Variants in PTPRD observed in about 807,000 individuals in gnomAD.
PTPRD encodes the protein protein tyrosine phosphatase receptor type D.
Under a neutral mutation model 214.5 loss-of-function variants are expected in PTPRD, and 34 were observed. The observed-to-expected ratio is 0.16, with a 90% CI of 0.12 to 0.21. PTPRD has a LOEUF of 0.21. PTPRD is among the 10% of genes least tolerant of loss of function. PTPRD has a pLI of 1.00. For synonymous variants in PTPRD, 1,128 were observed against 845.7 expected (o/e 1.33, Z -5.79); for missense variants, 2,545 against 2,398.7 (o/e 1.06, Z -1.27).
intron 8 of PTPRD, among the ~76,000 whole-genome samples, chr9:9,422,660 T>C (rs1161190883): frequency 1.3e-5 from 2 of 152,098 alleles, no homozygotes; most frequent in African/African-American, 4.8e-5. Context: ...CAGAAGCTGG[T>C]AGAGCTTTCT....
intron 2 of PTPRD, among the ~76,000 whole-genome samples, chr9:10,516,155 A>T (rs750933814): frequency 6.6e-6 from 1 of 151,754 alleles, no homozygotes; most frequent in Admixed American, 6.6e-5. Context: ...CTTCCACAAT[A>T]TTTTCCACAG....
intron 3 of PTPRD, among the ~76,000 whole-genome samples, chr9:10,307,131 T>C (rs944960705): frequency 6.6e-6 from 1 of 152,162 alleles, no homozygotes; most frequent in Non-Finnish European, 1.5e-5. Flanking sequence ...TTGTTAACTA[T>C]AGTTACCCTA....
intron 2 of PTPRD, among the ~76,000 whole-genome samples, 172 bp downstream of exon 2, chr9:10,612,225 GA>G (rs1003488513): frequency 3.8e-5 from 4 of 105,084 alleles, no homozygotes; most frequent in African/African-American, 1.0e-4. Flanking sequence ...AAAAAAAAAA[GA>G]AAAAAATGCT....
chr9:9,345,595 G>T (rs2048483909), intron 9 of PTPRD, among the ~76,000 whole-genome samples: 3 of 152,030 alleles, frequency 2.0e-5, no homozygotes, highest in Non-Finnish European at 4.4e-5. Context: ...TTGCATTAAT[G>T]CTTATAACTC....
At chr9:10,419,416 T>C (rs528751405) in intron 2 of PTPRD, among the ~76,000 whole-genome samples, 2 of 151,630 alleles carry the variant, frequency 1.3e-5, no homozygotes, top group Non-Finnish European at 2.9e-5. Context: ...TACCTAAAAC[T>C]CTATTTTATA....
chr9:9,738,279 C>A (rs991031930), intron 6 of PTPRD, among the ~76,000 whole-genome samples: 5 of 151,638 alleles, frequency 3.3e-5, no homozygotes, highest in African/African-American at 1.2e-4. Context: ...ACAACAACAA[C>A]AAAAAATCAT....
At chr9:8,506,042 A>G (rs907772838) in intron 22 of PTPRD, among the ~76,000 whole-genome samples, 3 of 152,256 alleles carry the variant, frequency 2.0e-5, no homozygotes, top group Non-Finnish European at 4.4e-5. Flanking sequence ...AGCTAAATCT[A>G]AAACCACTGC....
chr9:8,542,069 T>A (rs2078588401), intron 14 of PTPRD, among the ~76,000 whole-genome samples: 1 of 152,064 alleles, frequency 6.6e-6, no homozygotes, highest in Non-Finnish European at 1.5e-5. Flanking sequence ...ACCTTCTTCT[T>A]CAATAGATTA....
chr9:9,684,723 G>C (rs1158793935), intron 7 of PTPRD, among the ~76,000 whole-genome samples: 1 of 151,090 alleles, frequency 6.6e-6, no homozygotes, highest in African/African-American at 2.4e-5. Flanking sequence ...GTGTGTGTGT[G>C]TGGTTTTCTT....
intron 2 of PTPRD, among the ~76,000 whole-genome samples, chr9:10,563,780 G>C (rs1198797241): frequency 6.6e-6 from 1 of 151,760 alleles, no homozygotes; most frequent in African/African-American, 2.4e-5. Context: ...TTGATGTTGA[G>C]TAAAACAATT....
intron 7 of PTPRD, among the ~76,000 whole-genome samples, chr9:9,587,633 C>T (rs1477498414): frequency 6.6e-6 from 1 of 151,974 alleles, no homozygotes; most frequent in African/African-American, 2.4e-5. Context: ...TCACTAATTC[C>T]CTCACTGGGG....
At chr9:9,513,846 T>C (rs2154247799) in intron 8 of PTPRD, among the ~76,000 whole-genome samples, 1 of 152,144 alleles carries the variant, frequency 6.6e-6, no homozygotes, top group South Asian at 2.1e-4. Flanking sequence ...CACCTGCTGG[T>C]TTTTATTAGC....
At chr9:9,262,509 C>T (rs1367328954) in intron 9 of PTPRD, among the ~76,000 whole-genome samples, 2 of 151,298 alleles carry the variant, frequency 1.3e-5, no homozygotes, top group African/African-American at 4.8e-5. Context: ...CTAAAGGCTA[C>T]TATATTGGGC....
rs1442856713 is a variant in PTPRD at position 8,712,228 on chromosome 9, T to G, written c.64+21552A>C. On this transcript the variant is annotated intron_variant, in intron 12 of 45. Transcript: ENST00000381196. ...AGGGATGGAGCTGTCCTTAGTAATT[T>G]TGGTAAACAGTCTTTTGGCTGGATA... 3.3e-5 allele frequency among the ~76,000 whole-genome samples: 5 copies of G among 152,204 alleles called. No homozygotes were observed. The East Asian group carries it at 9.6e-4, about 29-fold the overall frequency.
At chr9:9,344,379 CG>C (rs1569567549) in intron 9 of PTPRD, among the ~76,000 whole-genome samples, 1 of 151,752 alleles carries the variant, frequency 6.6e-6, no homozygotes, top group Admixed American at 6.6e-5. Flanking sequence ...CTAATGCATG[CG>C]GGGCTTAAAA....
At chr9:8,898,655 C>T (rs2098640245) in intron 11 of PTPRD, among the ~76,000 whole-genome samples, 1 of 152,074 alleles carries the variant, frequency 6.6e-6, no homozygotes, top group African/African-American at 2.4e-5. Context: ...ATCCATAAGA[C>T]TTGGCACGAA....
intron 11 of PTPRD, among the ~76,000 whole-genome samples, chr9:8,981,480 G>C (rs893465179): frequency 1.3e-5 from 2 of 151,920 alleles, no homozygotes; most frequent in Non-Finnish European, 2.9e-5. Flanking sequence ...ACTGGATTTG[G>C]ATTTTCAATA....
chr9:9,940,306 C>G (rs1603132526), intron 4 of PTPRD, among the ~76,000 whole-genome samples: 1 of 152,244 alleles, frequency 6.6e-6, no homozygotes, highest in East Asian at 1.9e-4. Context: ...TCCCTTACCT[C>G]TGGTTTCTTG....
At chr9:9,422,543 A>C (rs1048038293) in intron 8 of PTPRD, among the ~76,000 whole-genome samples, 26 of 152,086 alleles carry the variant, frequency 1.7e-4, no homozygotes, top group Non-Finnish European at 3.7e-4. Context: ...AATTCATTGG[A>C]CGTAAGACAT....
Sources: gnomAD v4.1 joint callset for allele counts (sites outside exome capture counted in the v4.1 genomes callset) on GRCh38, gnomAD v4.1.1 for gene constraint, MANE v1.5 for transcripts, NCBI Gene and HGNC (gene_info 2026-07-23, HGNC 2026-07-21) for gene names.